Variants in DOCK10 observed in about 807,000 individuals in gnomAD.
DOCK10 encodes dedicator of cytokinesis protein 10.
Under a neutral mutation model 280.1 loss-of-function variants are expected in DOCK10, and 145 were observed. The observed-to-expected ratio is 0.52, with a 90% CI of 0.45 to 0.59. The LOEUF (loss-of-function observed/expected upper bound fraction) is 0.59. DOCK10 is among the 20% of genes least tolerant of loss of function. The probability of loss-of-function intolerance (pLI) is 0.00; values close to 1 mark genes in which losing one functional copy is unlikely to be tolerated. For synonymous variants in DOCK10, 915 were observed against 942.2 expected (o/e 0.97, Z 0.53); for missense variants, 2,368 against 2,651.7 (o/e 0.89, Z 2.35).
intron 1 of DOCK10, among the ~76,000 whole-genome samples, chr2:225,029,441 G>T (rs1307254324): frequency 6.6e-6 from 1 of 152,090 alleles, no homozygotes; most frequent in Non-Finnish European, 1.5e-5. Flanking sequence ...CATAGTGCTG[G>T]GATTACAGGC....
intron 1 of DOCK10, among the ~76,000 whole-genome samples, chr2:224,955,432 A>G (rs971313486): frequency 1.3e-5 from 2 of 152,220 alleles, no homozygotes; most frequent in East Asian, 1.9e-4. Flanking sequence ...GTAAATGCCA[A>G]TTGCTGAGTG....
chr2:225,038,010 T>C (rs1327882479), intron 1 of DOCK10, among the ~76,000 whole-genome samples: 1 of 152,170 alleles, frequency 6.6e-6, no homozygotes, highest in African/African-American at 2.4e-5. Flanking sequence ...TTTCCTCATA[T>C]GAAAACATAA....
intron 3 of DOCK10, among the ~76,000 whole-genome samples, chr2:224,900,730 G>T (rs1700250897): frequency 6.6e-6 from 1 of 152,190 alleles, no homozygotes; most frequent in Non-Finnish European, 1.5e-5. Context: ...CAAATAATTT[G>T]TGTGAAGCGC....
intron 7 of DOCK10, among the ~76,000 whole-genome samples, chr2:224,885,275 C>T (rs1196486888): frequency 6.6e-6 from 1 of 152,226 alleles, no homozygotes; most frequent in African/African-American, 2.4e-5. Context: ...GTTGGGATTA[C>T]AGGTGTGAGC....
At chr2:224,801,891 GT>G in intron 40 of DOCK10, 24 bp downstream of exon 40, 2 of 1,610,258 alleles carry the variant, frequency 1.2e-6, no homozygotes, top group Non-Finnish European at 1.7e-6. Context: ...TAACCATCTT[GT>G]TCCTATTATT....
At position 225,042,370 on chromosome 2, in the gene DOCK10, G is replaced by C. The variant is rs1690463003; in HGVS notation, c.5C>G (p.Ala2Gly). 8.0e-7 allele frequency: 1 copy of C among 1,257,758 alleles called. No individual in the cohort carries two copies. Among genetic ancestry groups the C allele is most frequent in the East Asian group, 3.2e-5 (1 of 31,182 alleles). The allele number at this position is 1,257,758 out of a possible 1,614,324, so 77.9% of individuals were successfully genotyped here. Residue 2 changes from alanine to glycine, a missense_variant, in exon 1 of 56, where the codon GCC becomes GGC. Ala to Gly is a moderately conservative substitution (Grantham distance 60). Around this residue, in one of 2 missense-constraint regions of DOCK10, gnomAD observed 1,209 missense variants for 1,250.9 expected, o/e 0.97. Coordinates refer to ENST00000258390, the MANE Select transcript of DOCK10 (RefSeq NM_014689.3). This position sits in a 1 kb window ranked among gnomAD's most constrained non-coding sequence, Gnocchi z 5.1. M[A>G]GERTRRFTRS... is the part of the protein sequence containing the mutation. ...GGTGAACCTGCGGGTCCGCTCACCGGCCATCGCCGGTCACGCCAATCGCGC... is the reference window on the plus strand; with the variant it reads ...GGTGAACCTGCGGGTCCGCTCACCGCCCATCGCCGGTCACGCCAATCGCGC...
At chr2:224,929,299 C>T (rs1423406845) in intron 2 of DOCK10, among the ~76,000 whole-genome samples, 1 of 152,220 alleles carries the variant, frequency 6.6e-6, no homozygotes, top group Non-Finnish European at 1.5e-5. Flanking sequence ...TCTGTCTAAT[C>T]ACTCCTGTCT....
At chr2:224,993,112 C>G (rs537224570) in intron 1 of DOCK10, among the ~76,000 whole-genome samples, 2 of 152,088 alleles carry the variant, frequency 1.3e-5, no homozygotes, top group Non-Finnish European at 2.9e-5. Flanking sequence ...AACAGTCACC[C>G]CAGTTAGCTC....
At chr2:224,884,825 A>G (rs1019774669) in intron 7 of DOCK10, among the ~76,000 whole-genome samples, 1 of 152,208 alleles carries the variant, frequency 6.6e-6, no homozygotes, top group Non-Finnish European at 1.5e-5. Context: ...AACATATTTG[A>G]AGTGCGTATG....
chr2:224,839,603 A>G (rs1261146441), intron 24 of DOCK10, among the ~76,000 whole-genome samples: 2 of 152,210 alleles, frequency 1.3e-5, no homozygotes, highest in Non-Finnish European at 2.9e-5. Flanking sequence ...GCCAATTACA[A>G]ACATTTACCT....
intron 3 of DOCK10, among the ~76,000 whole-genome samples, chr2:224,902,703 A>ATT (rs34406882): frequency 0.029 from 4,268 of 146,270 alleles, 190 homozygotes; most frequent in African/African-American, 0.097. Context: ...CACTGAAAAC[A>ATT]TTTTTTTTTT....
At chr2:224,899,659 T>C (rs1355806909) in intron 3 of DOCK10, among the ~76,000 whole-genome samples, 1 of 151,962 alleles carries the variant, frequency 6.6e-6, no homozygotes, top group Non-Finnish European at 1.5e-5. Flanking sequence ...ACAAAGTGAG[T>C]CGTTTTTATG....
chr2:224,777,112 G>A (rs975914176), intron 51 of DOCK10, among the ~76,000 whole-genome samples: 1 of 152,216 alleles, frequency 6.6e-6, no homozygotes, highest in Non-Finnish European at 1.5e-5. Flanking sequence ...CTAACTGAAC[G>A]ACAGTGTGTA....
chr2:224,899,288 A>C (rs1455216266), intron 3 of DOCK10, among the ~76,000 whole-genome samples: 1 of 152,228 alleles, frequency 6.6e-6, no homozygotes, highest in Admixed American at 6.5e-5. Flanking sequence ...AAGTAGAATA[A>C]AATATTATCC....
At position 224,804,139 on chromosome 2, in the gene DOCK10, C is replaced by T; in HGVS notation, c.4241G>A (p.Cys1414Tyr). 1.9e-6 allele frequency: 3 copies of T among 1,611,144 alleles called. No homozygotes were observed. Among genetic ancestry groups the T allele is most frequent in the Non-Finnish European group, 2.5e-6 (3 of 1,178,094 alleles). Residue 1414 changes from cysteine to tyrosine, a missense_variant, in exon 39 of 56, where the codon TGC becomes TAC. Physicochemically the swap from Cys to Tyr is radical, Grantham distance 194. Coordinates refer to ENST00000258390, the MANE Select transcript of DOCK10 (RefSeq NM_014689.3). ...NGTLKGSNPSCQTSGLLSQWM... is the reference protein window; with the variant it reads ...NGTLKGSNPSYQTSGLLSQWM... ...TTGTGACAAGAGACCTGATGTCTGGCAGGAAGGATTGGATCCTTTGAGAGT... is the reference window on the plus strand; with the variant it reads ...TTGTGACAAGAGACCTGATGTCTGGTAGGAAGGATTGGATCCTTTGAGAGT...
chr2:224,771,692 G>A (rs747202224), intron 53 of DOCK10, among the ~76,000 whole-genome samples: 1 of 152,192 alleles, frequency 6.6e-6, no homozygotes, highest in African/African-American at 2.4e-5. Context: ...GGCCAGTGTG[G>A]CAGATGCAGT....
intron 4 of DOCK10, among the ~76,000 whole-genome samples, chr2:224,888,781 AAT>A (rs61460633): frequency 0.18 from 27,062 of 151,348 alleles, 3,953 homozygotes; most frequent in African/African-American, 0.41. Flanking sequence ...TATGTGTGTG[AAT>A]ATATGTTTTT....
chr2:225,015,707 C>A (rs1430661593), intron 1 of DOCK10, among the ~76,000 whole-genome samples: 1 of 152,146 alleles, frequency 6.6e-6, no homozygotes, highest in Non-Finnish European at 1.5e-5. Flanking sequence ...GCAATCAATA[C>A]CCCAGTCTGC....
In DOCK10 at chr2:224,786,807, T is replaced by C. The variant is rs1276667486; in HGVS notation, c.5655+215A>G. ...CAAGAAGTTAGAAATCACTGTTAAC[T>C]CAACCCATGGATTTCTTTGCTCACT... On this transcript the variant is annotated intron_variant, in intron 50 of 55. Transcript: ENST00000258390. This position sits in a 1 kb window ranked among gnomAD's most constrained non-coding sequence, Gnocchi z 4.7. Among the ~76,000 whole-genome samples the C allele has an allele frequency of 6.9e-6, 1 of 144,468 alleles. No homozygotes were observed. Among genetic ancestry groups the C allele is most frequent in the African/African-American group, 2.9e-5 (1 of 34,370 alleles). The allele number at this position is 144,468 out of a possible 152,430, so 94.8% of individuals were successfully genotyped here.
Sources: allele counts gnomAD v4.1 joint callset (sites outside exome capture counted in the v4.1 genomes callset), GRCh38; gene constraint gnomAD v4.1.1; regional missense constraint gnomAD v4.1.1; non-coding constraint Gnocchi (gnomAD v3.1); transcripts MANE v1.5; gene names NCBI Gene and HGNC (gene_info 2026-07-23, HGNC 2026-07-21).